The following EYA4 variants were observed in gnomAD, a reference collection of about 807,000 sequenced individuals.
EYA4 encodes EYA transcriptional coactivator and phosphatase 4, also known as protein phosphatase EYA4.
Under a neutral mutation model 87.9 loss-of-function variants are expected in EYA4, and 31 were observed. The ratio of observed to expected loss-of-function variants is 0.35; its 90% CI spans 0.27 to 0.48. The LOEUF (loss-of-function observed/expected upper bound fraction) is 0.48, where lower values mean the gene tolerates loss of function less well. Among genes scored for constraint, EYA4 ranks in the 20% least tolerant of loss-of-function variants. The probability of loss-of-function intolerance (pLI) is 0.99; values close to 1 mark genes in which losing one functional copy is unlikely to be tolerated. For missense variants in EYA4, 678 were observed against 761.4 expected (o/e 0.89, Z 1.29); for synonymous variants, 263 against 270.6 (o/e 0.97, Z 0.28).
chr6:133,493,211 A>G (rs1165419187), intron 13 of EYA4, among the ~76,000 whole-genome samples: 2 of 152,250 alleles, frequency 1.3e-5, no homozygotes, highest in Non-Finnish European at 2.9e-5. Context: ...ACAAAGTGAT[A>G]GTAACAAAAA....
At chr6:133,521,362 A>C (rs1171127537) in intron 17 of EYA4, among the ~76,000 whole-genome samples, 1 of 146,722 alleles carries the variant, frequency 6.8e-6, no homozygotes, top group East Asian at 2.0e-4. Context: ...ACACATGAAA[A>C]AATGCTCATC....
intron 2 of EYA4, among the ~76,000 whole-genome samples, chr6:133,293,652 AAC>A (rs1778672482): frequency 6.6e-6 from 1 of 152,134 alleles, no homozygotes; most frequent in Non-Finnish European, 1.5e-5. Flanking sequence ...TTATAAATAT[AAC>A]AGTTAGAGCC....
chr6:133,261,546 G>A (rs2128242909), intron 1 of EYA4, among the ~76,000 whole-genome samples: 1 of 152,268 alleles, frequency 6.6e-6, no homozygotes, highest in South Asian at 2.1e-4. Context: ...AAATGCTAAT[G>A]ACTTAATCGA....
At chr6:133,361,422 A>G (rs2128446768) in intron 2 of EYA4, among the ~76,000 whole-genome samples, 1 of 152,350 alleles carries the variant, frequency 6.6e-6, no homozygotes, top group African/African-American at 2.4e-5. Context: ...GGATCAGAGA[A>G]CTGTCACAAG....
intron 1 of EYA4, among the ~76,000 whole-genome samples, chr6:133,267,894 C>G (rs1229309577): frequency 6.6e-6 from 1 of 152,034 alleles, no homozygotes; most frequent in Non-Finnish European, 1.5e-5. Context: ...ATATTTATAG[C>G]TTTTAAAGTA....
intron 3 of EYA4, among the ~76,000 whole-genome samples, chr6:133,414,617 T>G (rs1356443505): frequency 6.6e-6 from 1 of 152,188 alleles, no homozygotes; most frequent in East Asian, 1.9e-4. Flanking sequence ...TCACCTGGCT[T>G]CCTCCTTTCT....
chr6:133,428,911 CTTTTT>C lies in EYA4; in HGVS notation c.84-17692_84-17688del, dbSNP rs58727159. On this transcript the variant is annotated intron_variant, in intron 3 of 19. Coordinates refer to ENST00000355286, the MANE Select transcript of EYA4 (RefSeq NM_004100.5). ...CTGGGGCTGAGGGTAGATTTAGCTT[CTTTTT>C]TTTTTTTTTTTTTTTTTTTTTTTTT... Among the ~76,000 whole-genome samples the C allele has an allele frequency of 9.8e-3, 473 of 48,110 alleles. 1 individual carries two copies. Among genetic ancestry groups the C allele is most frequent in the African/African-American group, 0.031 (404 of 12,988 alleles). The allele number at this position is 48,110 out of a possible 152,430, so 31.6% of individuals were successfully genotyped here.
chr6:133,265,120 AT>A (rs1328932198), intron 1 of EYA4, among the ~76,000 whole-genome samples: 4 of 152,144 alleles, frequency 2.6e-5, no homozygotes, highest in Admixed American at 1.3e-4. Flanking sequence ...GAAATGTTGA[AT>A]TTGTAATTCT....
chr6:133,347,526 G>A (rs1783286306), intron 2 of EYA4, among the ~76,000 whole-genome samples: 1 of 152,018 alleles, frequency 6.6e-6, no homozygotes, highest in African/African-American at 2.4e-5. Context: ...TTTTGTAGCT[G>A]TACTTAATAG....
At chr6:133,460,975 G>A in intron 6 of EYA4, 139 bp from the exon 7 acceptor site, 2 of 712,532 alleles carry the variant, frequency 2.8e-6, no homozygotes, top group East Asian at 5.3e-5. Context: ...AAAGTGTTTA[G>A]GCAGCTGTTT....
chr6:133,509,576 C>T (rs1165522679), intron 14 of EYA4, among the ~76,000 whole-genome samples: 2 of 152,154 alleles, frequency 1.3e-5, no homozygotes, highest in Admixed American at 1.3e-4. Flanking sequence ...GATGCCCAAA[C>T]TACCCTCCCC....
intron 1 of EYA4, among the ~76,000 whole-genome samples, chr6:133,242,211 A>G (rs761495789): frequency 3.3e-5 from 5 of 152,166 alleles, no homozygotes; most frequent in Non-Finnish European, 7.4e-5. Context: ...AGGCGCGAGG[A>G]TGCTGACCCA....
At chr6:133,245,114 T>C (rs914134321) in intron 1 of EYA4, 1 of 152,176 alleles carries the variant, frequency 6.6e-6, no homozygotes, top group East Asian at 1.9e-4. Context: ...GCAAGAACAC[T>C]GGACATTCTG....
intron 19 of EYA4, 94 bp from the exon 20 acceptor site, chr6:133,528,631 T>A: frequency 1.1e-6 from 1 of 922,442 alleles, no homozygotes; most frequent in Non-Finnish European, 1.8e-6. Flanking sequence ...TCCCTGTGTG[T>A]GCTGCTGCTT....
chr6:133,438,030 G>A (rs1489651194), intron 3 of EYA4, among the ~76,000 whole-genome samples: 5 of 152,038 alleles, frequency 3.3e-5, no homozygotes, highest in African/African-American at 4.8e-5. Flanking sequence ...AAAATTTATA[G>A]ATTTTACATT....
At chr6:133,441,550 A>G (rs1045082830) in intron 3 of EYA4, among the ~76,000 whole-genome samples, 2 of 152,240 alleles carry the variant, frequency 1.3e-5, no homozygotes, top group South Asian at 2.1e-4. Context: ...CCTGAGGCAC[A>G]TAGCCCCTGC....
intron 1 of EYA4, among the ~76,000 whole-genome samples, chr6:133,250,216 T>C (rs940968491): frequency 7.9e-5 from 12 of 152,170 alleles, no homozygotes; most frequent in African/African-American, 2.9e-4. Flanking sequence ...TAGAAATGTG[T>C]TTATTTCTTA....
intron 2 of EYA4, among the ~76,000 whole-genome samples, chr6:133,361,574 A>G (rs1340213142): frequency 6.6e-6 from 1 of 152,214 alleles, no homozygotes; most frequent in Non-Finnish European, 1.5e-5. Context: ...TGTGAATAAG[A>G]TAAAACTCAA....
At chr6:133,440,238 A>G (rs899542671) in intron 3 of EYA4, among the ~76,000 whole-genome samples, 2 of 151,898 alleles carry the variant, frequency 1.3e-5, no homozygotes, top group African/African-American at 4.8e-5. Flanking sequence ...AAAAATGTAC[A>G]TAATTAATTA....
Sources: allele counts gnomAD v4.1 joint callset (sites outside exome capture counted in the v4.1 genomes callset), GRCh38; gene constraint gnomAD v4.1.1; transcripts MANE v1.5; gene names NCBI Gene and HGNC (gene_info 2026-07-23, HGNC 2026-07-21).